The following LARGE1 variants were observed in gnomAD, a reference collection of about 807,000 sequenced individuals.
LARGE1 encodes the protein LARGE xylosyl- and glucuronyltransferase 1.
LARGE1 carries 43 observed loss-of-function variants against 87.6 expected under a neutral mutation model. That is an observed-to-expected ratio of 0.49 (90% confidence interval 0.38 to 0.63). The LOEUF (loss-of-function observed/expected upper bound fraction) is 0.63. Ranked by LOEUF, LARGE1 falls within the 30% of genes least tolerant of loss-of-function variation. The probability of loss-of-function intolerance (pLI) is 0.00; values close to 1 mark genes in which losing one functional copy is unlikely to be tolerated. For missense variants in LARGE1, 802 were observed against 1,000.2 expected (o/e 0.80, Z 2.67); for synonymous variants, 434 against 394.6 (o/e 1.10, Z -1.18).
chr22:33,315,719 T>A (rs1936079648), intron 11 of LARGE1, among the ~76,000 whole-genome samples: 1 of 152,082 alleles, frequency 6.6e-6, no homozygotes, highest in Admixed American at 6.6e-5. Context: ...AACCTCTGCC[T>A]CTTGGGTTCA....
chr22:33,228,286 A>G (rs1382535691), intron 11 of LARGE1, among the ~76,000 whole-genome samples: 1 of 152,268 alleles, frequency 6.6e-6, no homozygotes, highest in East Asian at 1.9e-4. Flanking sequence ...AGATAAATGC[A>G]GCATAGCTGC....
chr22:33,280,979 C>T (rs1930332506), intron 13 of LARGE1, among the ~76,000 whole-genome samples: 1 of 152,136 alleles, frequency 6.6e-6, no homozygotes, highest in Admixed American at 6.5e-5. Context: ...CTGGAGCCAC[C>T]GCCCTAGAGG....
rs759460321 is a variant in LARGE1 at position 33,457,293 on chromosome 22, C to CTTTTTTTTTTTTT, written c.788-25041_788-25029dup. 7.2e-4 allele frequency among the ~76,000 whole-genome samples: 54 copies of CTTTTTTTTTTTTT among 74,928 alleles called. 1 individual carries two copies. The highest frequency in any genetic ancestry group is 9.0e-4 in the Admixed American group (5 of 5,582). The allele number at this position is 74,928 out of a possible 152,430, so 49.2% of individuals were successfully genotyped here. ...CAGGTGCCTGCCACCACGCCTGGCTCTTTTTTTTTTTTTTTTTTTTTTTTT... is the reference window on the plus strand; with the variant it reads ...CAGGTGCCTGCCACCACGCCTGGCTCTTTTTTTTTTTTTTTTTTTTTTTTTTTTTTTTTTTTTT... On this transcript the variant is annotated intron_variant, in intron 6 of 14. Coordinates refer to ENST00000397394, the MANE Select transcript of LARGE1 (RefSeq NM_133642.5).
chr22:33,717,133 G>T (rs1248214880), intron 2 of LARGE1, among the ~76,000 whole-genome samples: 1 of 151,978 alleles, frequency 6.6e-6, no homozygotes, highest in Non-Finnish European at 1.5e-5. Context: ...CATGTTGGTG[G>T]GTCTCTTCTT....
intron 2 of LARGE1, among the ~76,000 whole-genome samples, chr22:33,652,139 G>A (rs145698056): frequency 1.8e-3 from 272 of 152,158 alleles, no homozygotes; most frequent in African/African-American, 6.4e-3. Context: ...TTGCACCACT[G>A]CATTCCAGCC....
intron 6 of LARGE1, among the ~76,000 whole-genome samples, chr22:33,478,996 T>C (rs1216049999): frequency 2.0e-5 from 3 of 152,144 alleles, no homozygotes; most frequent in Non-Finnish European, 2.9e-5. Flanking sequence ...GTACAACAGC[T>C]TTTCCCCCAA....
chr22:33,903,286 G>A (rs2065337965), intron 1 of LARGE1, among the ~76,000 whole-genome samples: 3 of 152,290 alleles, frequency 2.0e-5, no homozygotes, highest in African/African-American at 7.2e-5. Flanking sequence ...CCACATATAA[G>A]CCAAAGGGAG....
intron 11 of LARGE1, among the ~76,000 whole-genome samples, chr22:33,215,362 GTTAT>G (rs950838157): frequency 2.0e-5 from 3 of 151,960 alleles, no homozygotes; most frequent in South Asian, 2.1e-4. Flanking sequence ...ATGTTTATAG[GTTAT>G]TTATTTATTA....
intron 3 of LARGE1, among the ~76,000 whole-genome samples, chr22:33,632,332 C>G (rs1005793922): frequency 6.6e-6 from 1 of 152,156 alleles, no homozygotes; most frequent in Non-Finnish European, 1.5e-5. Context: ...CCACGTTGCC[C>G]AAGCTGGTCT....
intron 2 of LARGE1, among the ~76,000 whole-genome samples, chr22:33,721,925 A>G (rs1321306003): frequency 1.3e-5 from 2 of 152,182 alleles, no homozygotes; most frequent in East Asian, 3.9e-4. Flanking sequence ...TATAGGCAGC[A>G]GTCACAGCCA....
chr22:33,583,236 TC>T (rs1054634180), intron 5 of LARGE1, among the ~76,000 whole-genome samples: 9 of 152,162 alleles, frequency 5.9e-5, no homozygotes, highest in African/African-American at 2.2e-4. Flanking sequence ...TGTCAAACCC[TC>T]CCTGTCAAGT....
intron 5 of LARGE1, among the ~76,000 whole-genome samples, chr22:33,587,474 C>G (rs988547453): frequency 1.2e-4 from 18 of 152,124 alleles, no homozygotes; most frequent in African/African-American, 3.6e-4. Flanking sequence ...TTATTTTCTT[C>G]TTTCTTTGAA....
intron 6 of LARGE1, among the ~76,000 whole-genome samples, chr22:33,506,197 AAT>A (rs113938616): frequency 1.2e-3 from 173 of 148,320 alleles, no homozygotes; most frequent in Middle Eastern, 3.6e-3. Flanking sequence ...TGTGCTACAT[AAT>A]ATATATATAT....
the LARGE1 span, among the ~76,000 whole-genome samples, chr22:33,157,107 G>T: frequency 6.6e-6 from 1 of 152,126 alleles, no homozygotes; most frequent in African/African-American, 2.4e-5. Flanking sequence ...TTATCAGCAG[G>T]ATGAAAATGG....
intron 6 of LARGE1, among the ~76,000 whole-genome samples, chr22:33,460,792 G>C (rs1014311110): frequency 1.3e-5 from 2 of 152,140 alleles, no homozygotes; most frequent in African/African-American, 4.8e-5. Flanking sequence ...ACCTTTGATG[G>C]GTAAAGAAGT....
chr22:33,640,650 A>C (rs562316169), intron 3 of LARGE1, among the ~76,000 whole-genome samples: 29 of 152,128 alleles, frequency 1.9e-4, no homozygotes, highest in South Asian at 2.1e-4. Context: ...AGCTGGTCCC[A>C]CTCCCACAGA....
chr22:33,345,164 G>A (rs1939612124), intron 9 of LARGE1, among the ~76,000 whole-genome samples: 1 of 152,094 alleles, frequency 6.6e-6, no homozygotes, highest in Non-Finnish European at 1.5e-5. Context: ...CTTTGCTTCT[G>A]ATAGCTCATT....
chr22:33,760,948 A>T (rs1284953983), intron 2 of LARGE1, among the ~76,000 whole-genome samples: 1 of 152,032 alleles, frequency 6.6e-6, no homozygotes, highest in Non-Finnish European at 1.5e-5. Flanking sequence ...AAAACAAAAA[A>T]ACCAGACAAA....
chr22:33,554,317 A>G (rs143576913), intron 6 of LARGE1, among the ~76,000 whole-genome samples: 34 of 152,176 alleles, frequency 2.2e-4, no homozygotes, highest in Non-Finnish European at 4.6e-4. Flanking sequence ...GAGCTGCCCA[A>G]CTGGATTCTA....
Sources: allele counts gnomAD v4.1 joint callset (sites outside exome capture counted in the v4.1 genomes callset), GRCh38; gene constraint gnomAD v4.1.1; transcripts MANE v1.5; gene names NCBI Gene and HGNC (gene_info 2026-07-23, HGNC 2026-07-21).